NT5DC3: variants seen among roughly 807,000 people sequenced by gnomAD.
NT5DC3 encodes the protein 5'-nucleotidase domain containing 3.
Under a neutral mutation model 67.8 loss-of-function variants are expected in NT5DC3, and 42 were observed. The ratio of observed to expected loss-of-function variants is 0.62; its 90% CI spans 0.48 to 0.80. The LOEUF (loss-of-function observed/expected upper bound fraction) is 0.80, where lower values mean the gene tolerates loss of function less well. NT5DC3 is among the 30% of genes least tolerant of loss of function. NT5DC3 has a pLI of 0.00. For missense variants in NT5DC3, 570 were observed against 696.4 expected, an observed-to-expected ratio of 0.82 and a Z score of 2.04; for synonymous variants, 237 against 255.6, an observed-to-expected ratio of 0.93 and a Z score of 0.69.
intron 13 of NT5DC3, among the ~76,000 whole-genome samples, chr12:103,778,760 T>C (rs1015151488): frequency 6.7e-6 from 1 of 148,156 alleles, no homozygotes. Context: ...GAGCTGTGAC[T>C]GTGCCACTGC....
At position 103,773,403 on chromosome 12, in the gene NT5DC3, T is replaced by A. The variant is rs1885238534; in HGVS notation, c.*4426A>T. On this transcript the variant is annotated 3_prime_UTR_variant, in exon 14 of 14. Coordinates refer to ENST00000392876, the MANE Select transcript of NT5DC3 (RefSeq NM_001031701.3). ...GGGTACTTCATTCCCTACCCTTTCT[T>A]GAACGCACTAGCAGTGTCAAAGGTT... 6.6e-6 allele frequency: 1 copy of A among 152,222 alleles called. No individual in the cohort carries two copies. Among genetic ancestry groups the A allele is most frequent in the Admixed American group, 6.5e-5 (1 of 15,282 alleles). 9.4% of individuals were successfully genotyped at this position (152,222 alleles called of 1,614,324 possible). A position where few individuals can be genotyped will look rare whatever the true frequency, so the allele number is the denominator to read the frequency against.
intron 1 of NT5DC3, among the ~76,000 whole-genome samples, chr12:103,826,122 A>G (rs1433981636): frequency 2.0e-5 from 3 of 152,162 alleles, no homozygotes; most frequent in Non-Finnish European, 4.4e-5. Context: ...TTCATTCAAC[A>G]AATAATTTTT....
the NT5DC3 span, among the ~76,000 whole-genome samples, chr12:103,746,949 C>CTTT: frequency 4.7e-4 from 45 of 95,876 alleles, no homozygotes; most frequent in East Asian, 1.0e-3. Context: ...GTTTTTCTTT[C>CTTT]TTTTTTTTTT....
chr12:103,794,119 A>G, intron 6 of NT5DC3, 122 bp from the exon 7 acceptor site: 1 of 666,840 alleles, frequency 1.5e-6, no homozygotes, highest in Non-Finnish European at 2.6e-6. Context: ...CAGGCCCTAC[A>G]CAAAATCTAA....
At chr12:103,801,372 C>CTTTTTTTTTTTTTTTTTTTT (rs869237844) in intron 4 of NT5DC3, among the ~76,000 whole-genome samples, 1 of 78,940 alleles carries the variant, frequency 1.3e-5, no homozygotes, top group African/African-American at 5.4e-5. Flanking sequence ...TTGGGGTGGG[C>CTTTTTTTTTTTTTTTTTTTT]TTTTTTTTTT....
chr12:103,841,177 ACCG>A lies in NT5DC3; in HGVS notation c.-24_-22del. On this transcript the variant is annotated 5_prime_UTR_variant, in exon 1 of 14. Coordinates refer to ENST00000392876, the MANE Select transcript of NT5DC3 (RefSeq NM_001031701.3). The stretch of plus-strand genomic sequence containing the variant: ...GTCATGCCTGCTGCCTGCTGCCGCC[ACCG>A]CCGCCGCGCCGCTCTGCGACTGCTG... 1.5e-6 allele frequency: 1 copy of A among 645,332 alleles called. No individual in the cohort carries two copies. Among genetic ancestry groups the A allele is most frequent in the South Asian group, 1.9e-5 (1 of 51,286 alleles). 40.0% of individuals were successfully genotyped at this position (645,332 alleles called of 1,614,324 possible). A position where few individuals can be genotyped will look rare whatever the true frequency, so the allele number is the denominator to read the frequency against.
intron 1 of NT5DC3, among the ~76,000 whole-genome samples, chr12:103,827,951 A>G (rs925716754): frequency 6.6e-6 from 1 of 152,258 alleles, no homozygotes; most frequent in Non-Finnish European, 1.5e-5. Context: ...AACACGAATT[A>G]ACTTTTAAAG....
chr12:103,800,212 A>G (rs368256596), intron 4 of NT5DC3, among the ~76,000 whole-genome samples: 10 of 152,338 alleles, frequency 6.6e-5, no homozygotes, highest in South Asian at 6.2e-4. Context: ...CATCACCCAC[A>G]TTACTTTAAA....
In NT5DC3 at chr12:103,785,628, TA is replaced by T. The variant is rs1885731886; in HGVS notation, c.1189-154del. The stretch of plus-strand genomic sequence containing the variant: ...CTGAATTCAATGAATTACATTTAAT[TA>T]AAACCTATTTGGCCCCAGCCTTTGA... On this transcript the variant is annotated intron_variant, in intron 11 of 13. Transcript: ENST00000392876. 2.8e-5 allele frequency: 23 copies of T among 808,648 alleles called. 1 individual carries two copies. The South Asian group carries it at 3.4e-4, about 12-fold the overall frequency. The allele number at this position is 808,648 out of a possible 1,614,324, so 50.1% of individuals were successfully genotyped here. A position where few individuals can be genotyped will look rare whatever the true frequency, so the allele number is the denominator to read the frequency against.
chr12:103,801,569 G>T (rs1886583661), intron 4 of NT5DC3, among the ~76,000 whole-genome samples: 1 of 151,890 alleles, frequency 6.6e-6, no homozygotes, highest in Non-Finnish European at 1.5e-5. Flanking sequence ...TTTTAGGAGA[G>T]ACGGGGTTTC....
At chr12:103,761,762 G>A in the NT5DC3 span, among the ~76,000 whole-genome samples, 40,750 of 152,094 alleles carry the variant, frequency 0.27, 6,095 homozygotes, top group South Asian at 0.47. Context: ...TCTGCAAAAT[G>A]GGGCTCATAA....
At chr12:103,780,226 TG>T in intron 13 of NT5DC3, 73 bp downstream of exon 13, 1 of 1,280,702 alleles carries the variant, frequency 7.8e-7, no homozygotes, top group Non-Finnish European at 1.1e-6. Flanking sequence ...AGGCTGGCCC[TG>T]GGGAACACAT....
Position 103,805,332 on chromosome 12 carries a change from G to C in NT5DC3, c.524+990C>G, listed in dbSNP as rs187991184. 8.9e-4 allele frequency among the ~76,000 whole-genome samples: 135 copies of C among 152,314 alleles called. No homozygotes were observed. In the Middle Eastern group the frequency reaches 0.017, roughly 19 times the overall value. Reference sequence around the variant, plus strand: ...GAGGGGAGCACAGAAGATTACTGCTGACCCCTGTGACATCTTTAATCCTGT... The same window carrying C: ...GAGGGGAGCACAGAAGATTACTGCTCACCCCTGTGACATCTTTAATCCTGT... On this transcript the variant is annotated intron_variant, in intron 4 of 13. Transcript: ENST00000392876.
At chr12:103,748,099 GATAA>G in the NT5DC3 span, among the ~76,000 whole-genome samples, 4 of 151,912 alleles carry the variant, frequency 2.6e-5, no homozygotes, top group Non-Finnish European at 5.9e-5. Context: ...ATTTTTCATG[GATAA>G]ATATTCACAG....
intron 6 of NT5DC3, among the ~76,000 whole-genome samples, chr12:103,794,352 GT>G (rs1161734694): frequency 6.9e-6 from 1 of 145,494 alleles, no homozygotes; most frequent in Non-Finnish European, 1.5e-5. Flanking sequence ...GTTTCACCAT[GT>G]TGGCCAGGCT....
chr12:103,823,389 T>C (rs549341116), intron 1 of NT5DC3, among the ~76,000 whole-genome samples: 2 of 152,302 alleles, frequency 1.3e-5, no homozygotes, highest in African/African-American at 4.8e-5. Context: ...CGACCTCACT[T>C]AATGCAAGAC....
At chr12:103,788,125 T>G (rs888591404) in intron 10 of NT5DC3, among the ~76,000 whole-genome samples, 9 of 152,180 alleles carry the variant, frequency 5.9e-5, no homozygotes, top group Non-Finnish European at 1.3e-4. Context: ...TTTGAAAGCC[T>G]CATATGACAC....
the NT5DC3 span, among the ~76,000 whole-genome samples, chr12:103,749,675 CAAA>C: frequency 7.6e-6 from 1 of 131,736 alleles, no homozygotes. Flanking sequence ...TAAAAAAATG[CAAA>C]AAAAAAAAAA....
At chr12:103,746,485 G>C in the NT5DC3 span, 1 of 914,382 alleles carries the variant, frequency 1.1e-6, no homozygotes, top group East Asian at 2.5e-5. Context: ...TGCTGTACAG[G>C]GGCACTTATG....
Sources: allele counts gnomAD v4.1 joint callset (sites outside exome capture counted in the v4.1 genomes callset), GRCh38; gene constraint gnomAD v4.1.1; transcripts MANE v1.5; gene names NCBI Gene and HGNC (gene_info 2026-07-23, HGNC 2026-07-21).